LRRC4C: variants seen among roughly 807,000 people sequenced by gnomAD.
LRRC4C encodes the protein leucine rich repeat containing 4C.
Under a neutral mutation model 33.6 loss-of-function variants are expected in LRRC4C, and 5 were observed. The ratio of observed to expected loss-of-function variants is 0.15; its 90% confidence interval spans 0.08 to 0.31. The LOEUF (loss-of-function observed/expected upper bound fraction) is 0.31. Ranked by LOEUF, LRRC4C falls within the 10% of genes least tolerant of loss-of-function variation. LRRC4C has a pLI of 1.00. For missense variants in LRRC4C, 560 were observed against 796.7 expected (o/e 0.70, Z 3.58); for synonymous variants, 329 against 302.0 (o/e 1.09, Z -0.93).
chr11:40,933,423 G>A (rs564020030), intron 2 of LRRC4C, among the ~76,000 whole-genome samples: 21 of 152,320 alleles, frequency 1.4e-4, no homozygotes, highest in African/African-American at 5.1e-4. Flanking sequence ...GGTAGTATAA[G>A]TCATATATGA....
At chr11:41,399,483 C>G (rs775681535) in intron 1 of LRRC4C, among the ~76,000 whole-genome samples, 1 of 151,920 alleles carries the variant, frequency 6.6e-6, no homozygotes, top group Non-Finnish European at 1.5e-5. Context: ...TTTAGAATGA[C>G]AGGCTTTCCT....
chr11:40,559,974 G>C (rs886818155), intron 3 of LRRC4C, among the ~76,000 whole-genome samples: 3 of 152,096 alleles, frequency 2.0e-5, no homozygotes, highest in Non-Finnish European at 2.9e-5. Context: ...CTGCCTTAGT[G>C]AAGAAATTAT....
chr11:40,204,034 C>T (rs1862964398), intron 5 of LRRC4C, among the ~76,000 whole-genome samples: 1 of 152,136 alleles, frequency 6.6e-6, no homozygotes, highest in Admixed American at 6.5e-5. Flanking sequence ...GAGACCATCA[C>T]ACCTCAACCT....
intron 3 of LRRC4C, among the ~76,000 whole-genome samples, chr11:40,477,545 T>TA (rs113596921): frequency 0.014 from 2,035 of 148,322 alleles, 15 homozygotes; most frequent in African/African-American, 0.029. Context: ...CATTCCCTTC[T>TA]AAAAAAAAAA....
intron 2 of LRRC4C, among the ~76,000 whole-genome samples, chr11:40,738,863 G>C (rs1028611654): frequency 3.3e-5 from 5 of 151,920 alleles, no homozygotes; most frequent in Non-Finnish European, 7.4e-5. Flanking sequence ...CCCAGTGCAG[G>C]ACTCTTTTTT....
intron 1 of LRRC4C, among the ~76,000 whole-genome samples, chr11:41,138,091 C>T (rs1422101591): frequency 1.3e-5 from 2 of 152,218 alleles, no homozygotes; most frequent in Non-Finnish European, 2.9e-5. Context: ...TGTATTCATT[C>T]ACTTACCTCA....
intron 2 of LRRC4C, among the ~76,000 whole-genome samples, chr11:40,734,675 T>C (rs537028226): frequency 8.5e-5 from 13 of 152,152 alleles, no homozygotes; most frequent in Non-Finnish European, 1.8e-4. Flanking sequence ...GACAAAATGT[T>C]CTTTGAATAA....
At chr11:40,600,049 C>A (rs1223283206) in intron 3 of LRRC4C, among the ~76,000 whole-genome samples, 1 of 152,180 alleles carries the variant, frequency 6.6e-6, no homozygotes. Context: ...GGAATGAACA[C>A]TGATGCTCAA....
intron 1 of LRRC4C, among the ~76,000 whole-genome samples, chr11:41,023,006 T>C (rs1359050060): frequency 1.3e-5 from 2 of 151,928 alleles, no homozygotes; most frequent in Non-Finnish European, 2.9e-5. Context: ...AAGGAGATGC[T>C]GATGAACTCA....
chr11:40,698,610 A>T (rs1358038347), intron 2 of LRRC4C, among the ~76,000 whole-genome samples: 1 of 152,178 alleles, frequency 6.6e-6, no homozygotes, highest in African/African-American at 2.4e-5. Flanking sequence ...GAAGAAAATT[A>T]AAAAGTCAAA....
At chr11:41,088,422 T>C (rs1318128370) in intron 1 of LRRC4C, among the ~76,000 whole-genome samples, 1 of 151,110 alleles carries the variant, frequency 6.6e-6, no homozygotes, top group Non-Finnish European at 1.5e-5. Flanking sequence ...TAAAGAATTA[T>C]AGTTGTCATT....
chr11:41,263,677 G>A (rs1017727769), intron 1 of LRRC4C, among the ~76,000 whole-genome samples: 3 of 152,086 alleles, frequency 2.0e-5, no homozygotes, highest in African/African-American at 7.2e-5. Flanking sequence ...AAGACTGCTA[G>A]GGGAGTTGTT....
chr11:41,344,483 GT>G (rs1263863469), intron 1 of LRRC4C, among the ~76,000 whole-genome samples: 7 of 152,166 alleles, frequency 4.6e-5, no homozygotes, highest in Non-Finnish European at 7.3e-5. Flanking sequence ...GCCTCCCAAA[GT>G]GCTGGGATTA....
chr11:41,087,444 C>T (rs753902121), intron 1 of LRRC4C, among the ~76,000 whole-genome samples: 3 of 152,112 alleles, frequency 2.0e-5, no homozygotes, highest in Non-Finnish European at 4.4e-5. Flanking sequence ...TCTCTAATAT[C>T]TTGTAGTTCT....
chr11:40,229,956 A>G (rs1317473707), intron 5 of LRRC4C, among the ~76,000 whole-genome samples: 6 of 152,200 alleles, frequency 3.9e-5, no homozygotes, highest in Admixed American at 3.9e-4. Context: ...TGTTTGTGAT[A>G]TCAGTCATTT....
intron 1 of LRRC4C, among the ~76,000 whole-genome samples, chr11:41,305,772 G>C (rs1431295791): frequency 7.7e-5 from 9 of 117,370 alleles, no homozygotes. Flanking sequence ...ACTGCGGAAG[G>C]CCGCAGGGTC....
chr11:41,333,246 AAAAT>A (rs1271277038), intron 1 of LRRC4C, among the ~76,000 whole-genome samples: 2 of 152,214 alleles, frequency 1.3e-5, no homozygotes, highest in Non-Finnish European at 2.9e-5. Context: ...TGCATCAGTC[AAAAT>A]AAATTTCAAA....
At chr11:40,228,495 T>G (rs1864971315) in intron 5 of LRRC4C, among the ~76,000 whole-genome samples, 1 of 152,120 alleles carries the variant, frequency 6.6e-6, no homozygotes, top group Non-Finnish European at 1.5e-5. Flanking sequence ...GGTAATAAAC[T>G]TTCCATCTAT....
At chr11:40,608,838 A>G (rs1041922766) in intron 3 of LRRC4C, among the ~76,000 whole-genome samples, 3 of 152,158 alleles carry the variant, frequency 2.0e-5, no homozygotes, top group African/African-American at 7.2e-5. Flanking sequence ...ACAGAGAAGG[A>G]CATTGTATAT....
Sources: allele counts gnomAD v4.1 joint callset (sites outside exome capture counted in the v4.1 genomes callset), GRCh38; gene constraint gnomAD v4.1.1; transcripts MANE v1.5; gene names NCBI Gene and HGNC (gene_info 2026-07-23, HGNC 2026-07-21).